The following CNTN1 variants were observed in gnomAD, a reference collection of about 807,000 sequenced individuals.
CNTN1 encodes the protein contactin 1, also known as contactin-1.
Under a neutral mutation model 126.4 loss-of-function variants are expected in CNTN1, and 38 were observed. That is an observed-to-expected ratio of 0.30 (90% CI 0.23 to 0.39). The LOEUF is 0.39. Among genes scored for constraint, CNTN1 ranks in the 10% least tolerant of loss-of-function variants. The pLI is 1.00. For missense variants in CNTN1, 1,009 were observed against 1,248.4 expected (o/e 0.81, Z 2.89); for synonymous variants, 413 against 422.6 (o/e 0.98, Z 0.28).
intron 1 of CNTN1, among the ~76,000 whole-genome samples, chr12:40,794,547 A>G (rs1158704202): frequency 2.6e-5 from 4 of 152,038 alleles, no homozygotes; most frequent in African/African-American, 9.7e-5. Flanking sequence ...TAAATGATAT[A>G]TTGCCAAAAA....
chr12:40,728,158 G>T (rs903818314), intron 1 of CNTN1, among the ~76,000 whole-genome samples: 1 of 152,224 alleles, frequency 6.6e-6, no homozygotes, highest in African/African-American at 2.4e-5. Context: ...AATTTTAGCA[G>T]CTAGAAGGAG....
At chr12:40,940,022 G>T (rs1946210480) in intron 12 of CNTN1, among the ~76,000 whole-genome samples, 1 of 152,090 alleles carries the variant, frequency 6.6e-6, no homozygotes, top group Non-Finnish European at 1.5e-5. Context: ...GGGACAAAAT[G>T]AAAAAGCAGT....
chr12:40,937,053 G>A, intron 10 of CNTN1, 148 bp downstream of exon 10: 1 of 949,392 alleles, frequency 1.1e-6, no homozygotes, highest in Non-Finnish European at 1.7e-6. Context: ...GACAAAAACT[G>A]AACATAAAGT....
At chr12:40,940,363 A>G (rs1289239299) in intron 12 of CNTN1, among the ~76,000 whole-genome samples, 1 of 152,174 alleles carries the variant, frequency 6.6e-6, no homozygotes, top group Admixed American at 6.6e-5. Context: ...CATAAATGAC[A>G]AAGTTTTCTA....
intron 1 of CNTN1, among the ~76,000 whole-genome samples, chr12:40,832,743 G>A (rs556819779): frequency 1.3e-5 from 2 of 152,188 alleles, no homozygotes; most frequent in African/African-American, 4.8e-5. Flanking sequence ...TATACAACTT[G>A]CCCCTGAGTA....
chr12:40,863,936 C>T (rs1348323371), intron 1 of CNTN1, among the ~76,000 whole-genome samples: 1 of 147,668 alleles, frequency 6.8e-6, no homozygotes, highest in Non-Finnish European at 1.5e-5. Context: ...TCCTCCCTCC[C>T]TCCCTCCCTC....
intron 1 of CNTN1, among the ~76,000 whole-genome samples, chr12:40,783,630 T>G (rs1455575401): frequency 6.6e-6 from 1 of 152,092 alleles, no homozygotes; most frequent in Non-Finnish European, 1.5e-5. Flanking sequence ...ACCATTCCAG[T>G]AACAATGTTT....
chr12:40,881,935 T>A (rs1347763485), intron 1 of CNTN1, among the ~76,000 whole-genome samples: 2 of 151,984 alleles, frequency 1.3e-5, no homozygotes, highest in East Asian at 3.9e-4. Flanking sequence ...TGTTTTTGTA[T>A]ATGTTTAGTG....
intron 3 of CNTN1, among the ~76,000 whole-genome samples, chr12:40,914,031 AG>A (rs1349951317): frequency 1.3e-5 from 2 of 151,104 alleles, no homozygotes; most frequent in African/African-American, 4.9e-5. Context: ...CCTTTTAAGA[AG>A]AATCTATCTA....
chr12:40,891,141 T>C (rs1356813773), intron 1 of CNTN1, among the ~76,000 whole-genome samples: 4 of 152,200 alleles, frequency 2.6e-5, no homozygotes, highest in African/African-American at 7.2e-5. Context: ...TCTTCATATA[T>C]TGATTTGCCA....
intron 1 of CNTN1, among the ~76,000 whole-genome samples, chr12:40,784,163 G>C (rs1162374126): frequency 6.6e-6 from 1 of 152,064 alleles, no homozygotes; most frequent in African/African-American, 2.4e-5. Context: ...ACTTCTAAAA[G>C]AAAATATAAT....
At chr12:41,010,319 G>A (rs766021463) in intron 17 of CNTN1, among the ~76,000 whole-genome samples, 2 of 152,148 alleles carry the variant, frequency 1.3e-5, no homozygotes, top group Non-Finnish European at 2.9e-5. Flanking sequence ...CCTTCCACAG[G>A]CTAGACAAGG....
intron 23 of CNTN1, among the ~76,000 whole-genome samples, chr12:41,059,034 A>C (rs1050632307): frequency 8.4e-6 from 1 of 118,440 alleles, no homozygotes; most frequent in Non-Finnish European, 2.1e-5. Context: ...ATCCTTTTTG[A>C]TAGATGGATG....
Position 41,070,165 on chromosome 12 carries a change from A to T in CNTN1, c.*130A>T. On this transcript the variant is annotated 3_prime_UTR_variant, in exon 24 of 24. Transcript: ENST00000551295. ...TAAATTATACTTTAACAAACTATTC[A>T]ACTGATTTACAACACACATGATGAC... The T allele has an allele frequency of 1.2e-6, 1 of 804,676 alleles. No homozygotes were observed. The highest frequency in any genetic ancestry group is 2.1e-6 in the Non-Finnish European group (1 of 472,782). The allele number at this position is 804,676 out of a possible 1,614,324, so 49.8% of individuals were successfully genotyped here.
At chr12:41,059,989 G>GCACT (rs1949905945) in intron 23 of CNTN1, among the ~76,000 whole-genome samples, 1 of 151,886 alleles carries the variant, frequency 6.6e-6, no homozygotes, top group South Asian at 2.1e-4. Flanking sequence ...TCGCATCTTT[G>GCACT]CACTCACTCA....
chr12:40,980,292 A>C (rs1329239439), intron 15 of CNTN1, among the ~76,000 whole-genome samples: 1 of 152,042 alleles, frequency 6.6e-6, no homozygotes, highest in Non-Finnish European at 1.5e-5. Flanking sequence ...ACATGCACAC[A>C]AAAATTAGTT....
chr12:40,726,445 G>A (rs1015507662), intron 1 of CNTN1, among the ~76,000 whole-genome samples: 9 of 152,162 alleles, frequency 5.9e-5, no homozygotes, highest in Non-Finnish European at 2.9e-5. Context: ...GGAGAAGCAG[G>A]CACCTTCTTC....
intron 1 of CNTN1, among the ~76,000 whole-genome samples, chr12:40,816,509 C>A (rs1941259560): frequency 1.3e-5 from 2 of 152,014 alleles, no homozygotes; most frequent in African/African-American, 4.8e-5. Context: ...CCCTTTACCA[C>A]TTTTTATTGT....
chr12:40,880,107 T>C (rs1943821432), intron 1 of CNTN1, among the ~76,000 whole-genome samples: 1 of 152,010 alleles, frequency 6.6e-6, no homozygotes, highest in African/African-American at 2.4e-5. Flanking sequence ...TGACGCAAAG[T>C]CATAAATAAT....
Sources: gnomAD v4.1 joint callset for allele counts (sites outside exome capture counted in the v4.1 genomes callset) on GRCh38, gnomAD v4.1.1 for gene constraint, MANE v1.5 for transcripts, NCBI Gene and HGNC (gene_info 2026-07-23, HGNC 2026-07-21) for gene names.